Variants in TRIL observed in about 807,000 individuals in gnomAD.
The protein encoded by TRIL is TLR4 interactor with leucine rich repeats.
TRIL carries 23 observed loss-of-function variants against 43.0 expected under a neutral mutation model. That is an observed-to-expected ratio of 0.54 (90% CI 0.39 to 0.76). TRIL has a LOEUF of 0.76. Among genes scored for constraint, TRIL ranks in the 30% least tolerant of loss-of-function variants. TRIL has a pLI of 0.00. For missense variants in TRIL, 1,114 were observed against 1,139.3 expected (o/e 0.98, Z 0.32); for synonymous variants, 602 against 556.8 (o/e 1.08, Z -1.14).
rs749730740 is a variant in TRIL, at chr7:28,955,899, GGCC to G, written c.2145_2147del (p.Ala716del). 5.2e-6 allele frequency: 8 copies of G among 1,551,158 alleles called. No homozygotes were observed. In the East Asian group the frequency reaches 1.9e-4, roughly 38 times the overall value. ...TCCTACGCAGCCAGCGAGACGCCCA[GGCC>G]GCCAAGGCCAGGAGCACCAGCAGCG... is the stretch of plus-strand genomic sequence containing the variant. On this transcript the variant is annotated inframe_deletion, in exon 1 of 1. Transcript: ENST00000539664.
rs368236365 is a variant in TRIL, at chr7:28,957,690, C to G, written c.357G>C (p.Leu119Phe). 101 of 1,609,792 alleles carry G rather than the reference C, an allele frequency of 6.3e-5. No individual in the cohort carries two copies. In the African/African-American group the frequency reaches 1.2e-3, roughly 20 times the overall value. Residue 119 changes from leucine (L) to phenylalanine (F), a missense_variant, in exon 1 of 1, where the codon TTG (leucine) becomes TTC (phenylalanine). Physicochemically the swap from Leu to Phe is conservative, Grantham distance 22. Transcript: ENST00000539664. ...LEELYLGNNLLQALAPGTLAP... is the reference protein window; with the variant it reads ...LEELYLGNNLFQALAPGTLAP... ...CCAGCGTGCCCGGGGCGAGCGCCTGCAAGAGGTTGTTCCCCAGGTACAGCT... is the reference window on the plus strand; with the variant it reads ...CCAGCGTGCCCGGGGCGAGCGCCTGGAAGAGGTTGTTCCCCAGGTACAGCT...
chr7:28,957,864 C>T lies in TRIL; in HGVS notation c.183G>A (p.Val61=), dbSNP rs765321314. The T allele has an allele frequency of 2.7e-5, 43 of 1,613,760 alleles. 1 individual carries two copies. The South Asian group carries it at 4.2e-4, about 16-fold the overall frequency. ...AGTTGCCGCCGAGGCTGTAGGTGAG[C>T]ACGTCGTGGGGGCTCGGCAGCGAGC... is the stretch of plus-strand genomic sequence containing the variant. ...KTSSLPSPHD[V]LTYSLGGNFI... is the part of the protein sequence containing the mutation. The change falls in exon 1 of 1, where the codon GTG becomes GTA. Residue 61 remains valine, a synonymous_variant. Transcript: ENST00000539664.
In TRIL at chr7:28,957,781, T is replaced by A. The variant is rs1783431385; in HGVS notation, c.266A>T (p.Asp89Val). 2 of 1,613,932 alleles carry A rather than the reference T, an allele frequency of 1.2e-6. No homozygotes were observed. Among genetic ancestry groups the A allele is most frequent in the Non-Finnish European group, 1.7e-6 (2 of 1,179,854 alleles). Residue 89 changes from aspartate to valine, a missense_variant, in exon 1 of 1, where the codon GAC becomes GTC. By Grantham distance (152) the Asp-to-Val change is radical. Coordinates refer to ENST00000539664, the MANE Select transcript of TRIL (RefSeq NM_014817.4). The part of the protein sequence containing the change: ...FHRLGQLRRL[D>V]LQYNQIRSLH... ...AGAGCGGATCTGGTTGTACTGCAGG[T>A]CCAGCCGTCTGAGCTGCCCCAGACG...
In TRIL at chr7:28,958,013, C is replaced by G; in HGVS notation, c.34G>C (p.Val12Leu). Residue 12 changes from valine to leucine, a missense_variant, in exon 1 of 1, where the codon GTG (valine) becomes CTG (leucine). Physicochemically the swap from Val to Leu is conservative, Grantham distance 32 (BLOSUM62 1). Transcript: ENST00000539664. ...EAARALRLLL[V>L]VCGCLALPPL... ...GGGAGCGCGAGGCAGCCGCACACCA[C>G]GAGCAGGAGGCGCAAGGCGCGGGCA... The G allele has an allele frequency of 1.9e-6, 3 of 1,588,330 alleles. No individual in the cohort carries two copies. The highest frequency in any genetic ancestry group is 1.1e-5 in the South Asian group (1 of 89,604).
rs1379826881 is a variant in TRIL, at chr7:28,955,454, G to A, written c.*157C>T. 5.5e-6 allele frequency: 6 copies of A among 1,096,868 alleles called. No homozygotes were observed. The East Asian group carries it at 1.6e-4, about 29-fold the overall frequency. 67.9% of individuals were successfully genotyped at this position (1,096,868 alleles called of 1,614,324 possible). ...CAAGTACCATCCATTTACTTCTCGA[G>A]TATTGGGAATTGGGGGATGGTGCCC... On this transcript the variant is annotated 3_prime_UTR_variant, in exon 1 of 1. Coordinates refer to ENST00000539664, the MANE Select transcript of TRIL (RefSeq NM_014817.4).
rs1160761494 is a variant in TRIL, at chr7:28,958,165, C to G, written c.-119G>C. The stretch of plus-strand genomic sequence containing the variant: ...AAATGGCCTCTTTCGGACTTCGCAG[C>G]GCCGTCCAGCCCCTCCTCCGTCCTT... On this transcript the variant is annotated 5_prime_UTR_variant, in exon 1 of 1. Coordinates refer to ENST00000539664, the MANE Select transcript of TRIL (RefSeq NM_014817.4). The G allele has an allele frequency of 3.0e-5, 40 of 1,334,344 alleles. No individual in the cohort carries two copies. The East Asian group carries it at 9.7e-4, about 32-fold the overall frequency. The allele number at this position is 1,334,344 out of a possible 1,614,324, so 82.7% of individuals were successfully genotyped here.
In TRIL at chr7:28,957,015, G is replaced by A; in HGVS notation, c.1032C>T (p.Ile344=). The A allele has an allele frequency of 6.3e-7, 1 of 1,579,502 alleles. No individual in the cohort carries two copies. The highest frequency in any genetic ancestry group is 1.7e-4 in the Middle Eastern group (1 of 5,768). Residue 344 remains isoleucine (I), a synonymous_variant, in exon 1 of 1, where the codon ATC becomes ATT. Coordinates refer to ENST00000539664, the MANE Select transcript of TRIL (RefSeq NM_014817.4). ...NNALSALSGD[I]FAASPALYRL... ...GATAAAGGGCTGGGCTGGCGGCGAAGATGTCCCCGGATAGGGCGCTGAGCG... is the reference window on the plus strand; with the variant it reads ...GATAAAGGGCTGGGCTGGCGGCGAAAATGTCCCCGGATAGGGCGCTGAGCG...
chr7:28,957,535 G>C lies in TRIL; in HGVS notation c.512C>G (p.Pro171Arg). ...GCCCAAGGGAGCGAAGACCGCGTCCGGCAGCGCCCCCAGGGCGTTCCCGTC... is the reference window on the plus strand; with the variant it reads ...GCCCAAGGGAGCGAAGACCGCGTCCCGCAGCGCCCCCAGGGCGTTCCCGTC... ...RLDGNALGAL[P>R]DAVFAPLGNL... is the part of the protein sequence containing the mutation. The change falls in exon 1 of 1, where the codon CCG (proline) becomes CGG (arginine). Residue 171 changes from proline to arginine, a missense_variant. By Grantham distance (103) the Pro-to-Arg change is moderately radical (BLOSUM62 -2). Coordinates refer to ENST00000539664, the MANE Select transcript of TRIL (RefSeq NM_014817.4). 1 of 1,612,956 alleles carries C rather than the reference G, an allele frequency of 6.2e-7. No individual in the cohort carries two copies. Among genetic ancestry groups the C allele is most frequent in the Non-Finnish European group, 8.5e-7 (1 of 1,179,786 alleles).
At position 28,956,838 on chromosome 7, in the gene TRIL, G is replaced by T; in HGVS notation, c.1209C>A (p.Tyr403Ter). 6.2e-7 allele frequency: 1 copy of T among 1,609,000 alleles called. No individual in the cohort carries two copies. The highest frequency in any genetic ancestry group is 8.5e-7 in the Non-Finnish European group (1 of 1,177,034). Residue 403 changes from tyrosine to a stop codon, truncating the protein, a stop_gained, in exon 1 of 1, where the codon TAC becomes TAA. Coordinates refer to ENST00000539664, the MANE Select transcript of TRIL (RefSeq NM_014817.4). LOFTEE classifies it high-confidence loss of function. ...CATTTTGCAGCTGCTGGTCATCCAG[G>T]TAATCCAGGTATTTGCCTCGCAGGG... ...PPALRGKYLD[Y>*]LDDQQLQNGS...
In TRIL at chr7:28,957,114, A is replaced by C; in HGVS notation, c.933T>G (p.Asn311Lys). 6.3e-7 allele frequency: 1 copy of C among 1,575,518 alleles called. No homozygotes were observed. The highest frequency in any genetic ancestry group is 8.6e-7 in the Non-Finnish European group (1 of 1,163,770). The change falls in exon 1 of 1, where the codon AAT (asparagine) becomes AAG (lysine). Residue 311 changes from asparagine (N) to lysine (K), a missense_variant. By Grantham distance (94) the Asn-to-Lys change is moderately conservative. Transcript: ENST00000539664. ...TGGCCGGGTGCAGGGCGGACAGCTC[A>C]TTGCCGCTCAGGTCCAGCGCCTCCA... ...HSLEALDLSG[N>K]ELSALHPATF...
At position 28,958,207 on chromosome 7, in the gene TRIL, C is replaced by A; in HGVS notation, c.-161G>T. ...TCCGTCCTTTGTCCGGAGGCCGGCCCGGGTCTCTGCAGGCGGGCTTCGCCC... is the reference window on the plus strand; with the variant it reads ...TCCGTCCTTTGTCCGGAGGCCGGCCAGGGTCTCTGCAGGCGGGCTTCGCCC... On this transcript the variant is annotated 5_prime_UTR_variant, in exon 1 of 1. Transcript: ENST00000539664. The A allele has an allele frequency of 9.0e-7, 1 of 1,106,336 alleles. No individual in the cohort carries two copies. The highest frequency in any genetic ancestry group is 1.2e-6 in the Non-Finnish European group (1 of 810,262). 68.5% of individuals were successfully genotyped at this position (1,106,336 alleles called of 1,614,324 possible).
In TRIL at chr7:28,957,866, C is replaced by T. The variant is rs568120886; in HGVS notation, c.181G>A (p.Val61Met). 1.9e-6 allele frequency: 3 copies of T among 1,613,746 alleles called. No homozygotes were observed. Among genetic ancestry groups the T allele is most frequent in the Non-Finnish European group, 2.5e-6 (3 of 1,179,812 alleles). ...KTSSLPSPHD[V>M]LTYSLGGNFI... is the part of the protein sequence containing the mutation. ...TTGCCGCCGAGGCTGTAGGTGAGCA[C>T]GTCGTGGGGGCTCGGCAGCGAGCTG... is the stretch of plus-strand genomic sequence containing the variant. The change falls in exon 1 of 1, where the codon GTG becomes ATG. Residue 61 changes from valine to methionine, a missense_variant. Val to Met is a conservative substitution (Grantham distance 21, BLOSUM62 1). Transcript: ENST00000539664.
chr7:28,956,351 A>C lies in TRIL; in HGVS notation c.1696T>G (p.Ser566Ala), dbSNP rs1171633336. ...GGCGGCAGCCCGGCCCCACCGTCGG[A>C]CTGGGCGGCACGCTCCTGGTGCTCC... ...GTEHQERAAQ[S>A]DGGAGLPPLV... Residue 566 changes from serine (S) to alanine (A), a missense_variant, in exon 1 of 1, where the codon TCC becomes GCC. By Grantham distance (99) the Ser-to-Ala change is moderately conservative (BLOSUM62 1). Transcript: ENST00000539664. 2 of 1,529,942 alleles carry C rather than the reference A, an allele frequency of 1.3e-6. No homozygotes were observed. The highest frequency in any genetic ancestry group is 2.5e-5 in the East Asian group (1 of 40,648). 94.8% of individuals were successfully genotyped at this position (1,529,942 alleles called of 1,614,324 possible).
Position 28,957,407 on chromosome 7 carries a change from C to T in TRIL, c.640G>A (p.Glu214Lys). Residue 214 changes from glutamate (E) to lysine (K), a missense_variant, in exon 1 of 1, where the codon GAG becomes AAG. By Grantham distance (56) the Glu-to-Lys change is moderately conservative. Transcript: ENST00000539664. Reference protein sequence around the residue: ...KLRFLNLSANELQPSLRHAAT... With the variant: ...KLRFLNLSANKLQPSLRHAAT... ...GCGTGGCGCAGGGAGGGCTGTAGCTCGTTGGCAGAGAGGTTGAGGAAGCGC... is the reference window on the plus strand; with the variant it reads ...GCGTGGCGCAGGGAGGGCTGTAGCTTGTTGGCAGAGAGGTTGAGGAAGCGC... 6.2e-7 allele frequency: 1 copy of T among 1,613,470 alleles called. No homozygotes were observed. Among genetic ancestry groups the T allele is most frequent in the Non-Finnish European group, 8.5e-7 (1 of 1,179,858 alleles).
At position 28,957,118 on chromosome 7, in the gene TRIL, C is replaced by G. The variant is rs868223236; in HGVS notation, c.929G>C (p.Gly310Ala). The G allele has an allele frequency of 1.3e-6, 2 of 1,575,316 alleles. No homozygotes were observed. The highest frequency in any genetic ancestry group is 2.7e-5 in the African/African-American group (2 of 73,962). ...LHSLEALDLS[G>A]NELSALHPAT... is the part of the protein sequence containing the mutation. ...CGGGTGCAGGGCGGACAGCTCATTG[C>G]CGCTCAGGTCCAGCGCCTCCAGGCT... is the stretch of plus-strand genomic sequence containing the variant. Residue 310 changes from glycine to alanine, a missense_variant, in exon 1 of 1, where the codon GGC becomes GCC. Gly to Ala is a moderately conservative substitution (Grantham distance 60, BLOSUM62 0). Transcript: ENST00000539664.
rs1313381158 is a variant in TRIL, at chr7:28,958,080, C to T, written c.-34G>A. On this transcript the variant is annotated 5_prime_UTR_variant, in exon 1 of 1. Transcript: ENST00000539664. ...GCCCTGCGTGCAGCGGCCGGATCGT[C>T]CTCTTGGCCCGCCGGCTCTGTGTCT... The T allele has an allele frequency of 2.3e-5, 34 of 1,468,140 alleles. No individual in the cohort carries two copies. Among genetic ancestry groups the T allele is most frequent in the Non-Finnish European group, 3.0e-5 (33 of 1,115,262 alleles). 90.9% of individuals were successfully genotyped at this position (1,468,140 alleles called of 1,614,324 possible).
At position 28,955,353 on chromosome 7, in the gene TRIL, G is replaced by T; in HGVS notation, c.*258C>A. The T allele has an allele frequency of 3.9e-6, 2 of 518,838 alleles. No homozygotes were observed. Among genetic ancestry groups the T allele is most frequent in the Non-Finnish European group, 6.6e-6 (2 of 304,542 alleles). The allele number at this position is 518,838 out of a possible 1,614,324, so 32.1% of individuals were successfully genotyped here. A position where few individuals can be genotyped will look rare whatever the true frequency, so the allele number is the denominator to read the frequency against. On this transcript the variant is annotated 3_prime_UTR_variant, in exon 1 of 1. Transcript: ENST00000539664. ...TGCTACAAAAGCCATTCGCATAGCT[G>T]TGTCAAAGCCTCCAAGCGAAGCCTC...
In TRIL at chr7:28,955,642, T is replaced by C; in HGVS notation, c.2405A>G (p.Glu802Gly). The C allele has an allele frequency of 6.5e-7, 1 of 1,545,528 alleles. No homozygotes were observed. The highest frequency in any genetic ancestry group is 8.7e-7 in the Non-Finnish European group (1 of 1,146,168). The change falls in exon 1 of 1, where the codon GAG (glutamate) becomes GGG (glycine). Residue 802 changes from glutamate (E) to glycine (G), a missense_variant. Transcript: ENST00000539664. ...GGCAAATCGCTGCAGGAGACGGTCC[T>C]CCCGTCTCAGGCTGCCGCCCGCGCC... is the stretch of plus-strand genomic sequence containing the variant. The part of the protein sequence containing the change: ...GGGAGGSLRR[E>G]DRLLQRFAD
At position 28,957,135 on chromosome 7, in the gene TRIL, C is replaced by T. The variant is rs1282598369; in HGVS notation, c.912G>A (p.Glu304=). 1 of 1,582,544 alleles carries T rather than the reference C, an allele frequency of 6.3e-7. No individual in the cohort carries two copies. Among genetic ancestry groups the T allele is most frequent in the Admixed American group, 1.8e-5 (1 of 56,276 alleles). ...TALLEPLHSL[E]ALDLSGNELS... ...GCTCATTGCCGCTCAGGTCCAGCGCCTCCAGGCTGTGCAGAGGCTCCAGCA... is the reference window on the plus strand; with the variant it reads ...GCTCATTGCCGCTCAGGTCCAGCGCTTCCAGGCTGTGCAGAGGCTCCAGCA... Residue 304 remains glutamate (E), a synonymous_variant, in exon 1 of 1, where the codon GAG becomes GAA. Transcript: ENST00000539664.
Sources: allele counts gnomAD v4.1 joint callset, GRCh38; gene constraint gnomAD v4.1.1; transcripts MANE v1.5; gene names NCBI Gene and HGNC (gene_info 2026-07-23, HGNC 2026-07-21).